BAHD1: variants seen among roughly 807,000 people sequenced by gnomAD.
BAHD1 encodes bromo adjacent homology domain-containing 1 protein.
Under a neutral mutation model 63.1 loss-of-function variants are expected in BAHD1, and 20 were observed. The ratio of observed to expected loss-of-function variants is 0.32; its 90% CI spans 0.22 to 0.46. The LOEUF is 0.46. BAHD1 is among the 20% of genes least tolerant of loss of function. The probability of loss-of-function intolerance (pLI) is 1.00; values close to 1 mark genes in which losing one functional copy is unlikely to be tolerated. For missense variants in BAHD1, 939 were observed against 1,071.8 expected, an observed-to-expected ratio of 0.88 and a Z score of 1.73; for synonymous variants, 408 against 426.8, an observed-to-expected ratio of 0.96 and a Z score of 0.54.
intron 4 of BAHD1, 135 bp from the exon 5 acceptor site, chr15:40,464,336 G>C: frequency 1.3e-6 from 1 of 762,214 alleles, no homozygotes; most frequent in South Asian, 1.7e-5. Context: ...GCTTGGCCTG[G>C]GGCAGGGGAC....
intron 1 of BAHD1, among the ~76,000 whole-genome samples, chr15:40,449,698 A>G (rs1193151316): frequency 6.6e-6 from 1 of 151,732 alleles, no homozygotes; most frequent in East Asian, 1.9e-4. Context: ...AGTCCCAACT[A>G]CTCGGGAGGC....
chr15:40,438,210 AGGAG>A (rs1485559846), upstream of BAHD1, among the ~76,000 whole-genome samples: 1 of 152,172 alleles, frequency 6.6e-6, no homozygotes, highest in Non-Finnish European at 1.5e-5. Flanking sequence ...GACCGAAGGA[AGGAG>A]GAAGAGGTGG....
At chr15:40,461,316 A>G (rs987409136) in intron 2 of BAHD1, among the ~76,000 whole-genome samples, 1 of 152,174 alleles carries the variant, frequency 6.6e-6, no homozygotes, top group African/African-American at 2.4e-5. Context: ...TAGAACCCCT[A>G]TTCCCAAGCA....
At chr15:40,456,544 T>C (rs1434172603) in intron 1 of BAHD1, among the ~76,000 whole-genome samples, 1 of 152,206 alleles carries the variant, frequency 6.6e-6, no homozygotes, top group Non-Finnish European at 1.5e-5. Flanking sequence ...GGGTGAAGGT[T>C]GCCCACACCA....
chr15:40,444,515 T>G (rs975047343), intron 1 of BAHD1, among the ~76,000 whole-genome samples: 4 of 152,196 alleles, frequency 2.6e-5, no homozygotes, highest in Non-Finnish European at 5.9e-5. Flanking sequence ...TCATGCTAAA[T>G]GAATCCATGT....
At chr15:40,455,337 G>A (rs777870132) in intron 1 of BAHD1, among the ~76,000 whole-genome samples, 6 of 152,206 alleles carry the variant, frequency 3.9e-5, no homozygotes, top group Non-Finnish European at 8.8e-5. Context: ...CTGGAAAGCT[G>A]AATGAGAGGT....
intron 1 of BAHD1, chr15:40,443,383 T>G (rs1179327673): frequency 3.4e-6 from 3 of 880,028 alleles, no homozygotes; most frequent in Non-Finnish European, 4.1e-6. Context: ...TAATTGCATG[T>G]CTAAAATCCA....
rs1893383588 is a variant in BAHD1 at position 40,441,058 on chromosome 15, C to A, written c.-225C>A. Among the ~76,000 whole-genome samples, 5 of 146,026 alleles carry A rather than the reference C, an allele frequency of 3.4e-5. No individual in the cohort carries two copies. In the South Asian group the frequency reaches 1.0e-3, roughly 31 times the overall value. ...GCCCGTCCGGCCCCCGCCGTCCGCCCGCCCCGGCCAGGCGCGCCCGCCCCC... is the reference window on the plus strand; with the variant it reads ...GCCCGTCCGGCCCCCGCCGTCCGCCAGCCCCGGCCAGGCGCGCCCGCCCCC... On this transcript the variant is annotated 5_prime_UTR_variant, in exon 1 of 7. Coordinates refer to ENST00000416165, the MANE Select transcript of BAHD1 (RefSeq NM_014952.5).
At position 40,459,781 on chromosome 15, in the gene BAHD1, C is replaced by T. The variant is rs1893980343; in HGVS notation, c.1317C>T (p.Cys439=). Residue 439 remains cysteine (C), a synonymous_variant, in exon 2 of 7, where the codon TGC becomes TGT. Transcript: ENST00000416165. The stretch of plus-strand genomic sequence containing the variant: ...CTCCCTGGGGCTCCTCTCGCTACTG[C>T]TCTAGCGAGGACACTGGAGTGAATG... ...QHPPWGSSRY[C]SSEDTGVNGY... 6.2e-7 allele frequency: 1 copy of T among 1,613,888 alleles called. No individual in the cohort carries two copies. Among genetic ancestry groups the T allele is most frequent in the Non-Finnish European group, 8.5e-7 (1 of 1,180,034 alleles).
At chr15:40,464,212 C>A in intron 4 of BAHD1, 192 bp downstream of exon 4, 1 of 730,862 alleles carries the variant, frequency 1.4e-6, no homozygotes, top group Non-Finnish European at 2.2e-6. Context: ...TGGGTTGGAT[C>A]AGCTCATTAA....
chr15:40,466,088 C>T lies in BAHD1; in HGVS notation c.2301C>T (p.Val767=), dbSNP rs771608973. 3 of 1,614,138 alleles carry T rather than the reference C, an allele frequency of 1.9e-6. No individual in the cohort carries two copies. The highest frequency in any genetic ancestry group is 1.1e-5 in the South Asian group (1 of 91,086). ...AGCTGGTGTTCCTTTGCCGCCATGT[C>T]TATGACTTCCGCCACGGGCGCATCC... ...DPELVFLCRH[V]YDFRHGRILK... is the part of the protein sequence containing the mutation. The change falls in exon 7 of 7, where the codon GTC becomes GTT. Residue 767 remains valine, a synonymous_variant. Transcript: ENST00000416165.
chr15:40,462,947 G>A (rs762096022), intron 3 of BAHD1, among the ~76,000 whole-genome samples: 1 of 152,138 alleles, frequency 6.6e-6, no homozygotes, highest in Non-Finnish European at 1.5e-5. Context: ...ACTCCAGTCT[G>A]GGTGACAGAG....
chr15:40,459,533 A>C lies in BAHD1; in HGVS notation c.1069A>C (p.Met357Leu), dbSNP rs775425103. 6.8e-6 allele frequency: 11 copies of C among 1,614,054 alleles called. No individual in the cohort carries two copies. The highest frequency in any genetic ancestry group is 9.3e-6 in the Non-Finnish European group (11 of 1,180,010). ...CACACCTCAGCTGTCGCCGCTGCCG[A>C]TGCCTGGCAACCCCGCCGACTACAA... ...FPTPQLSPLP[M>L]PGNPADYNGL... The change falls in exon 2 of 7, where the codon ATG becomes CTG. Residue 357 changes from methionine (M) to leucine (L), a missense_variant. Coordinates refer to ENST00000416165, the MANE Select transcript of BAHD1 (RefSeq NM_014952.5).
chr15:40,459,700 G>A lies in BAHD1; in HGVS notation c.1236G>A (p.Glu412=). The change falls in exon 2 of 7, where the codon GAG becomes GAA. Residue 412 remains glutamate (E), a synonymous_variant. Coordinates refer to ENST00000416165, the MANE Select transcript of BAHD1 (RefSeq NM_014952.5). ...TGTCCCCAGTGGCTGCACCTCACGA[G>A]GAGGGGCTCCTCTTAGCTCCGAGCT... ...GKLSPVAAPH[E]EGLLLAPSSV... is the part of the protein sequence containing the mutation. The A allele has an allele frequency of 6.2e-7, 1 of 1,614,040 alleles. No homozygotes were observed. The highest frequency in any genetic ancestry group is 8.5e-7 in the Non-Finnish European group (1 of 1,179,996).
Position 40,459,646 on chromosome 15 carries a change from G to A in BAHD1, c.1182G>A (p.Ser394=), listed in dbSNP as rs766957915. The A allele has an allele frequency of 6.2e-6, 10 of 1,613,958 alleles. No individual in the cohort carries two copies. Among genetic ancestry groups the A allele is most frequent in the Middle Eastern group, 1.6e-4 (1 of 6,084 alleles). The change falls in exon 2 of 7, where the codon TCG becomes TCA. Residue 394 remains serine, a synonymous_variant. Transcript: ENST00000416165. ...GQEGLQCGGY[S]PCPMLPEGKL... ...AGGGGCTGCAGTGTGGGGGCTACTC[G>A]CCCTGCCCCATGCTTCCTGAGGGCA...
Position 40,466,054 on chromosome 15 carries a change from C to T in BAHD1, c.2267C>T (p.Thr756Met), listed in dbSNP as rs1894194418. Residue 756 changes from threonine (T) to methionine (M), a missense_variant, in exon 7 of 7, where the codon ACG becomes ATG. Around this residue, in one of 5 missense-constraint regions of BAHD1, gnomAD observed 68 missense variants for 86.2 expected, o/e 0.79. Coordinates refer to ENST00000416165, the MANE Select transcript of BAHD1 (RefSeq NM_014952.5). ...CCCCACCGCACAGTGCCAGAGGACA[C>T]GGACCCTGAGCTGGTGTTCCTTTGC... ...TPPHRTVPED[T>M]DPELVFLCRH... 4 of 1,614,016 alleles carry T rather than the reference C, an allele frequency of 2.5e-6. No homozygotes were observed. The highest frequency in any genetic ancestry group is 1.3e-5 in the African/African-American group (1 of 74,936).
Position 40,465,448 on chromosome 15 carries a change from C to T in BAHD1, c.2153+13C>T. The T allele has an allele frequency of 1.9e-6, 3 of 1,608,224 alleles. No individual in the cohort carries two copies. The highest frequency in any genetic ancestry group is 1.1e-5 in the South Asian group (1 of 90,940). ...CCGAGTACTGCAGGTAGGTGGTTCC[C>T]TGCACCCTCTGGCTGGCCTCTTCCC... On this transcript the variant is annotated intron_variant, in intron 6 of 6. Transcript: ENST00000416165.
Position 40,464,370 on chromosome 15 carries a change from T to C in BAHD1, c.1976-101T>C, listed in dbSNP as rs919532941. 13 of 1,022,298 alleles carry C rather than the reference T, an allele frequency of 1.3e-5. No individual in the cohort carries two copies. In the East Asian group the frequency reaches 2.3e-4, roughly 18 times the overall value. 63.3% of individuals were successfully genotyped at this position (1,022,298 alleles called of 1,614,324 possible). A position where few individuals can be genotyped will look rare whatever the true frequency, so the allele number is the denominator to read the frequency against. On this transcript the variant is annotated intron_variant, in intron 4 of 6. Coordinates refer to ENST00000416165, the MANE Select transcript of BAHD1 (RefSeq NM_014952.5). ...ACATGGGTTGCCGGAGCCTGCAGGATTGAGGTTGGATGAACCTCCAGGGCA... is the reference window on the plus strand; with the variant it reads ...ACATGGGTTGCCGGAGCCTGCAGGACTGAGGTTGGATGAACCTCCAGGGCA...
At chr15:40,446,651 T>C (rs1893548198) in intron 1 of BAHD1, among the ~76,000 whole-genome samples, 1 of 152,236 alleles carries the variant, frequency 6.6e-6, no homozygotes, top group Admixed American at 6.5e-5. Context: ...ATGACCAAGT[T>C]AGCTGAATGA....
Sources: gnomAD v4.1 joint callset for allele counts (sites outside exome capture counted in the v4.1 genomes callset) on GRCh38, gnomAD v4.1.1 for gene constraint, gnomAD v4.1.1 regional missense constraint, MANE v1.5 for transcripts, NCBI Gene and HGNC (gene_info 2026-07-23, HGNC 2026-07-21) for gene names.